RBFOX1: variants seen among roughly 807,000 people sequenced by gnomAD.
RBFOX1 encodes the protein RNA binding fox-1 homolog 1.
Under a neutral mutation model 57.7 loss-of-function variants are expected in RBFOX1, and 8 were observed. That is an observed-to-expected ratio of 0.14 (90% CI 0.08 to 0.25). The LOEUF is 0.25. Ranked by LOEUF, RBFOX1 falls within the 10% of genes least tolerant of loss-of-function variation. RBFOX1 has a pLI of 1.00. For missense variants in RBFOX1, 611 were observed against 548.5 expected, an observed-to-expected ratio of 1.11 and a Z score of -1.14; for synonymous variants, 326 against 222.4, an observed-to-expected ratio of 1.47 and a Z score of -4.15.
intron 4 of RBFOX1, among the ~76,000 whole-genome samples, chr16:7,264,565 A>G (rs757742991): frequency 1.4e-4 from 22 of 152,358 alleles, no homozygotes; most frequent in Non-Finnish European, 2.5e-4. Context: ...TGTGGCAGAA[A>G]GTGGCCACAG....
At chr16:7,098,068 C>G (rs567601078) in intron 4 of RBFOX1, among the ~76,000 whole-genome samples, 56 of 152,226 alleles carry the variant, frequency 3.7e-4, no homozygotes, top group African/African-American at 1.3e-3. Context: ...AATATGCTAA[C>G]TTAAAAGGCT....
At chr16:6,518,286 C>G (rs1441164066) in intron 2 of RBFOX1, among the ~76,000 whole-genome samples, 1 of 152,140 alleles carries the variant, frequency 6.6e-6, no homozygotes, top group Non-Finnish European at 1.5e-5. Flanking sequence ...AAGTTTTCAT[C>G]TCACTTGAGG....
rs141706440 is a variant in RBFOX1 at position 7,326,813 on chromosome 16, C to G, written c.28-191334C>G. Among the ~76,000 whole-genome samples the G allele has an allele frequency of 6.6e-5, 10 of 152,168 alleles. No individual in the cohort carries two copies. The East Asian group carries it at 1.9e-3, about 30-fold the overall frequency. ...GCTTTTCCTACTGTTGTGATGCCCT[C>G]AGGTCACTTGTGATGACCTTGGAAA... On this transcript the variant is annotated intron_variant, in intron 4 of 15. Transcript: ENST00000550418.
intron 1 of RBFOX1, among the ~76,000 whole-genome samples, chr16:5,377,747 C>G (rs2066023891): frequency 6.6e-6 from 1 of 151,352 alleles, no homozygotes; most frequent in African/African-American, 2.5e-5. Context: ...ACGTCTGTCT[C>G]CACACTTGTC....
rs2074538879 is a variant in RBFOX1 at position 6,749,739 on chromosome 16, A to G, written c.-16+95089A>G. On this transcript the variant is annotated intron_variant, in intron 3 of 15. Coordinates refer to ENST00000550418, the MANE Select transcript of RBFOX1 (RefSeq NM_018723.4). ...GTGCACAGATTCTTGCTTAAGAATA[A>G]CAGCGACTTGGAAAGTTTTTCAGTG... 2.6e-5 allele frequency among the ~76,000 whole-genome samples: 4 copies of G among 152,350 alleles called. No individual in the cohort carries two copies. In the South Asian group the frequency reaches 8.3e-4, roughly 32 times the overall value.
chr16:7,217,915 T>C (rs1411162862), intron 4 of RBFOX1, among the ~76,000 whole-genome samples: 1 of 151,622 alleles, frequency 6.6e-6, no homozygotes, highest in African/African-American at 2.4e-5. Flanking sequence ...CATGTGTGTG[T>C]GTGAGTGTAG....
chr16:6,227,978 T>C (rs2152896262), intron 1 of RBFOX1, among the ~76,000 whole-genome samples: 1 of 152,292 alleles, frequency 6.6e-6, no homozygotes, highest in East Asian at 1.9e-4. Context: ...ATCGGAGAGA[T>C]GTCTGCACTC....
rs1000150090 is a variant in RBFOX1, at chr16:6,963,004, C to T, written c.-15-89053C>T. Among the ~76,000 whole-genome samples, 30 of 152,104 alleles carry T rather than the reference C, an allele frequency of 2.0e-4. 1 individual carries two copies. Among genetic ancestry groups the T allele is most frequent in the African/African-American group, 7.0e-4 (29 of 41,440 alleles). ...GAGAAAAAGAATGCTGACTCCCAGC[C>T]AAGAATCAGCTCTGTAAACCTTGGA... On this transcript the variant is annotated intron_variant, in intron 3 of 15. Transcript: ENST00000550418.
intron 1 of RBFOX1, among the ~76,000 whole-genome samples, chr16:5,431,070 T>G (rs1445013104): frequency 6.6e-6 from 1 of 152,124 alleles, no homozygotes; most frequent in Non-Finnish European, 1.5e-5. Flanking sequence ...GTAGTGACAT[T>G]TTGGGACTGG....
At position 6,506,591 on chromosome 16, in the gene RBFOX1, C is replaced by T. The variant is rs921966210; in HGVS notation, c.-63-148012C>T. 2.1e-5 allele frequency among the ~76,000 whole-genome samples: 3 copies of T among 139,890 alleles called. No homozygotes were observed. The Admixed American group carries it at 2.2e-4, about 10-fold the overall frequency. 91.8% of individuals were successfully genotyped at this position (139,890 alleles called of 152,430 possible). On this transcript the variant is annotated intron_variant, in intron 2 of 15. Coordinates refer to ENST00000550418, the MANE Select transcript of RBFOX1 (RefSeq NM_018723.4). ...GACTCACCTTTGATGTTGAATTTGTCAGTATAAACGGTAATAACAATCACA... is the reference window on the plus strand; with the variant it reads ...GACTCACCTTTGATGTTGAATTTGTTAGTATAAACGGTAATAACAATCACA...
chr16:6,130,370 C>T (rs1404138935), intron 1 of RBFOX1, among the ~76,000 whole-genome samples: 3 of 151,828 alleles, frequency 2.0e-5, no homozygotes, highest in Non-Finnish European at 4.4e-5. Context: ...ATTGTTTATC[C>T]TACCATGCCT....
At chr16:5,468,691 A>G (rs139020147) in intron 2 of RBFOX1, among the ~76,000 whole-genome samples, 1 of 152,232 alleles carries the variant, frequency 6.6e-6, no homozygotes, top group Non-Finnish European at 1.5e-5. Flanking sequence ...GCAGTGGAAT[A>G]TTATACAGCC....
chr16:6,887,200 A>G (rs1019472839), intron 3 of RBFOX1, among the ~76,000 whole-genome samples: 4 of 152,078 alleles, frequency 2.6e-5, no homozygotes, highest in Non-Finnish European at 5.9e-5. Context: ...TTCCTCCTCT[A>G]TCTCTAATTC....
At position 6,822,050 on chromosome 16, in the gene RBFOX1, C is replaced by G. The variant is rs9925117; in HGVS notation, c.-16+167400C>G. Among the ~76,000 whole-genome samples the G allele has an allele frequency of 6.2e-4, 94 of 152,238 alleles. 1 individual carries two copies. The highest frequency in any genetic ancestry group is 2.2e-3 in the African/African-American group (93 of 41,548). Reference sequence around the variant, plus strand: ...TGGTTGTATAGACTTGACAAGTGATCATCATACTGAGACTACTGCCAGTGA... The same window carrying G: ...TGGTTGTATAGACTTGACAAGTGATGATCATACTGAGACTACTGCCAGTGA... On this transcript the variant is annotated intron_variant, in intron 3 of 15. Transcript: ENST00000550418.
At chr16:5,500,669 G>T (rs1379754439) in intron 2 of RBFOX1, among the ~76,000 whole-genome samples, 1 of 152,170 alleles carries the variant, frequency 6.6e-6, no homozygotes, top group Non-Finnish European at 1.5e-5. Flanking sequence ...AGCAGCCTCA[G>T]TGTATGGGTC....
chr16:7,638,960 G>A (rs188834115), intron 11 of RBFOX1, among the ~76,000 whole-genome samples: 10 of 152,124 alleles, frequency 6.6e-5, no homozygotes, highest in Admixed American at 3.3e-4. Context: ...TTTGCATTTT[G>A]TACCATTTTA....
At chr16:5,593,710 C>T (rs184396784) in intron 2 of RBFOX1, among the ~76,000 whole-genome samples, 84 of 152,262 alleles carry the variant, frequency 5.5e-4, no homozygotes, top group African/African-American at 1.9e-3. Flanking sequence ...TTTTGCGTAT[C>T]AAGAAATAAC....
chr16:5,651,626 A>C (rs1317388809), intron 3 of RBFOX1, among the ~76,000 whole-genome samples: 1 of 152,038 alleles, frequency 6.6e-6, no homozygotes, highest in African/African-American at 2.4e-5. Context: ...ACCTTTCCCC[A>C]ACCCTCCATC....
intron 3 of RBFOX1, among the ~76,000 whole-genome samples, chr16:5,824,456 C>T (rs900917984): frequency 2.0e-5 from 3 of 152,138 alleles, no homozygotes; most frequent in African/African-American, 7.2e-5. Context: ...CTCAGAAAAG[C>T]CAGGGCACAT....
Sources: gnomAD v4.1 joint callset for allele counts (sites outside exome capture counted in the v4.1 genomes callset) on GRCh38, gnomAD v4.1.1 for gene constraint, MANE v1.5 for transcripts, NCBI Gene and HGNC (gene_info 2026-07-23, HGNC 2026-07-21) for gene names.